The following WDR88 variants were observed in gnomAD, a reference collection of about 807,000 sequenced individuals.
WDR88 encodes WD repeat domain 88.
WDR88 carries 40 observed loss-of-function variants against 46.8 expected under a neutral mutation model. The observed-to-expected ratio is 0.86, with a 90% CI of 0.66 to 1.11. The LOEUF is 1.11. Among genes scored for constraint, WDR88 ranks in the 50% most tolerant of loss-of-function variants. The pLI, the probability that WDR88 is intolerant of heterozygous loss-of-function variation, is 0.00. For synonymous variants in WDR88, 235 were observed against 240.7 expected, an observed-to-expected ratio of 0.98 and a Z score of 0.22; for missense variants, 562 against 602.4, an observed-to-expected ratio of 0.93 and a Z score of 0.70.
Position 33,172,364 on chromosome 19 carries a change from T to C in WDR88, c.1166T>C (p.Leu389Pro), listed in dbSNP as rs750309839. ...LSASKDRTMR[L>P]WNIEEIDEIP... is the part of the protein sequence containing the mutation. Reference sequence around the variant, plus strand: ...TTGTTTTAGGATAGGACCATGAGACTGTGGAATATTGAAGAAATTGATGAA... The same window carrying C: ...TTGTTTTAGGATAGGACCATGAGACCGTGGAATATTGAAGAAATTGATGAA... The change falls in exon 10 of 11, where the codon CTG (leucine) becomes CCG (proline). Residue 389 changes from leucine (L) to proline (P), a missense_variant. Transcript: ENST00000355868. 2 of 1,613,982 alleles carry C rather than the reference T, an allele frequency of 1.2e-6. No individual in the cohort carries two copies. The highest frequency in any genetic ancestry group is 1.7e-6 in the Non-Finnish European group (2 of 1,179,962).
chr19:33,163,328 G>A (rs969175520), intron 8 of WDR88, among the ~76,000 whole-genome samples: 79 of 133,774 alleles, frequency 5.9e-4, no homozygotes, highest in African/African-American at 2.3e-3. Context: ...GCGAGACTCC[G>A]TCTCAAAAAA....
intron 9 of WDR88, among the ~76,000 whole-genome samples, chr19:33,164,479 CGTTGACATTTGAACTTT>C (rs1973922489): frequency 6.6e-6 from 1 of 152,212 alleles, no homozygotes; most frequent in Non-Finnish European, 1.5e-5. Context: ...GTGTCTGTAC[CGTTGACATTTGAACTTT>C]GTTGGAAAAA....
chr19:33,145,804 GATTAC>G, intron 3 of WDR88, among the ~76,000 whole-genome samples: 1 of 152,090 alleles, frequency 6.6e-6, no homozygotes, highest in Non-Finnish European at 1.5e-5. Flanking sequence ...AAAGTGCTGG[GATTAC>G]AGGTGTGAGC....
intron 7 of WDR88, among the ~76,000 whole-genome samples, chr19:33,159,156 C>A (rs1043654733): frequency 6.6e-6 from 1 of 151,186 alleles, no homozygotes; most frequent in African/African-American, 2.4e-5. Context: ...CATAGTGAGA[C>A]CCCATCTCTA....
At position 33,137,668 on chromosome 19, in the gene WDR88, T is replaced by A; in HGVS notation, c.277-9T>A. ...CATGTTTAGCTCATCTGGTCTCTCC[T>A]TTTTTCAGATCCCATTTAAAATTCT... On this transcript the variant is annotated splice_polypyrimidine_tract_variant and intron_variant, in intron 1 of 10. Coordinates refer to ENST00000355868, the MANE Select transcript of WDR88 (RefSeq NM_173479.4). The A allele has an allele frequency of 6.2e-7, 1 of 1,610,892 alleles. No individual in the cohort carries two copies. Among genetic ancestry groups the A allele is most frequent in the Non-Finnish European group, 8.5e-7 (1 of 1,177,658 alleles).
intron 9 of WDR88, 44 bp downstream of exon 9, chr19:33,164,309 T>C (rs1437022839): frequency 1.9e-6 from 3 of 1,561,384 alleles, no homozygotes; most frequent in Admixed American, 1.7e-5. Context: ...TTCGCCAGGA[T>C]TGGTGATAGT....
chr19:33,160,218 G>C (rs927038377), intron 7 of WDR88, among the ~76,000 whole-genome samples, 196 bp from the exon 8 acceptor site: 1 of 152,152 alleles, frequency 6.6e-6, no homozygotes, highest in African/African-American at 2.4e-5. Context: ...GGGGACCCCT[G>C]TCATAGAACA....
rs757470503 is a variant in WDR88 at position 33,175,416 on chromosome 19, T to A, written c.1263T>A (p.Pro421=). 6.2e-7 allele frequency: 1 copy of A among 1,614,130 alleles called. No homozygotes were observed. Residue 421 remains proline (P), a synonymous_variant, in exon 11 of 11, where the codon CCT becomes CCA. Transcript: ENST00000355868. ...KLKQCERCDR[P]FSIFKSDTSS... is the part of the protein sequence containing the mutation. ...GTCAGTGCGAAAGATGTGACAGGCC[T>A]TTCTCCATCTTCAAGAGTGACACCT...
At chr19:33,134,588 G>A (rs1308041101) in intron 1 of WDR88, among the ~76,000 whole-genome samples, 2 of 152,082 alleles carry the variant, frequency 1.3e-5, no homozygotes, top group Non-Finnish European at 2.9e-5. Flanking sequence ...CGCCAGAGGC[G>A]GGGGCGGTGC....
chr19:33,155,099 A>G lies in WDR88; in HGVS notation c.810-1256A>G, dbSNP rs981577315. Among the ~76,000 whole-genome samples, 6 of 152,308 alleles carry G rather than the reference A, an allele frequency of 3.9e-5. No individual in the cohort carries two copies. The South Asian group carries it at 1.2e-3, about 32-fold the overall frequency. On this transcript the variant is annotated intron_variant, in intron 6 of 10. Coordinates refer to ENST00000355868, the MANE Select transcript of WDR88 (RefSeq NM_173479.4). ...AAATACAGACAGGCTTTTTATTATT[A>G]TTATTTTTCTGAAAAAGAAGATGCT...
chr19:33,152,348 CTATT>C (rs1240177325), intron 6 of WDR88, among the ~76,000 whole-genome samples: 2 of 152,004 alleles, frequency 1.3e-5, no homozygotes, highest in East Asian at 1.9e-4. Flanking sequence ...ACCATCACCA[CTATT>C]TATTTCCAAA....
At chr19:33,155,864 G>A (rs1483167177) in intron 6 of WDR88, among the ~76,000 whole-genome samples, 2 of 152,208 alleles carry the variant, frequency 1.3e-5, no homozygotes, top group Non-Finnish European at 2.9e-5. Context: ...GGCCAGGGAT[G>A]CTGCTCCACC....
intron 9 of WDR88, among the ~76,000 whole-genome samples, chr19:33,170,330 G>A (rs1380785717): frequency 6.6e-6 from 1 of 151,848 alleles, no homozygotes; most frequent in East Asian, 2.0e-4. Flanking sequence ...AGGTGCCCGC[G>A]ATCATGCCTG....
At chr19:33,139,765 A>G (rs1973351021) in intron 2 of WDR88, among the ~76,000 whole-genome samples, 1 of 152,146 alleles carries the variant, frequency 6.6e-6, no homozygotes. Context: ...ATTGGCCTAT[A>G]ACTTCATACT....
intron 2 of WDR88, among the ~76,000 whole-genome samples, chr19:33,139,526 C>T (rs1264425498): frequency 1.3e-5 from 2 of 152,098 alleles, no homozygotes; most frequent in Non-Finnish European, 2.9e-5. Context: ...GAGGATAGCC[C>T]CTCACCCTAC....
At position 33,137,086 on chromosome 19, in the gene WDR88, A is replaced by G. The variant is rs564023732; in HGVS notation, c.277-591A>G. On this transcript the variant is annotated intron_variant, in intron 1 of 10. Coordinates refer to ENST00000355868, the MANE Select transcript of WDR88 (RefSeq NM_173479.4). Reference sequence around the variant, plus strand: ...GCTGGGACTACAAGTGTGAGCCACCATGCCTGGCTCATTTTCTTTCTTCTT... The same window carrying G: ...GCTGGGACTACAAGTGTGAGCCACCGTGCCTGGCTCATTTTCTTTCTTCTT... 5.5e-5 allele frequency among the ~76,000 whole-genome samples: 8 copies of G among 145,788 alleles called. No individual in the cohort carries two copies. In the South Asian group the frequency reaches 1.3e-3, roughly 24 times the overall value.
At chr19:33,161,355 C>T (rs967447213) in intron 8 of WDR88, among the ~76,000 whole-genome samples, 7 of 152,070 alleles carry the variant, frequency 4.6e-5, no homozygotes, top group African/African-American at 1.7e-4. Context: ...GATGTGTTAT[C>T]CAACACAGCA....
intron 4 of WDR88, among the ~76,000 whole-genome samples, chr19:33,148,248 C>T (rs1973559940): frequency 6.6e-6 from 1 of 152,058 alleles, no homozygotes; most frequent in South Asian, 2.1e-4. Context: ...CAGCTCTGCT[C>T]AGGGGCCTCC....
chr19:33,147,819 T>G (rs1973550687), intron 4 of WDR88, 111 bp downstream of exon 4: 6 of 891,292 alleles, frequency 6.7e-6, no homozygotes, highest in Non-Finnish European at 8.7e-6. Context: ...ACTCCATTCT[T>G]CTAGGAAGGA....
Sources: gnomAD v4.1 joint callset for allele counts (sites outside exome capture counted in the v4.1 genomes callset) on GRCh38, gnomAD v4.1.1 for gene constraint, MANE v1.5 for transcripts, NCBI Gene and HGNC (gene_info 2026-07-23, HGNC 2026-07-21) for gene names.